The following ESRRG variants were observed in gnomAD, a reference collection of about 807,000 sequenced individuals.
ESRRG encodes estrogen-related receptor gamma.
A neutral mutation model predicts 44.0 loss-of-function variants in ESRRG; 13 were observed. That is an observed-to-expected ratio of 0.30 (90% CI 0.19 to 0.47). ESRRG has a LOEUF of 0.47. Ranked by LOEUF, ESRRG falls within the 20% of genes least tolerant of loss-of-function variation. ESRRG has a pLI of 1.00. For synonymous variants in ESRRG, 215 were observed against 214.6 expected (o/e 1.00, Z -0.02); for missense variants, 395 against 580.6 (o/e 0.68, Z 3.29).
At chr1:216,546,702 T>G (rs900815493) in intron 5 of ESRRG, among the ~76,000 whole-genome samples, 1 of 151,756 alleles carries the variant, frequency 6.6e-6, no homozygotes, top group African/African-American at 2.4e-5. Context: ...AAAATCAGGT[T>G]GAAAGTTAAA....
intron 2 of ESRRG, among the ~76,000 whole-genome samples, chr1:216,815,688 G>C (rs1376221866): frequency 6.6e-6 from 1 of 152,196 alleles, no homozygotes; most frequent in Non-Finnish European, 1.5e-5. Flanking sequence ...GTTCGGTTCA[G>C]CGCAGCTGGT....
At chr1:216,767,180 C>T (rs746066616) in intron 2 of ESRRG, among the ~76,000 whole-genome samples, 11 of 151,912 alleles carry the variant, frequency 7.2e-5, no homozygotes, top group African/African-American at 1.2e-4. Flanking sequence ...GCAAACTATC[C>T]GTAGTTAACA....
At chr1:217,106,787 C>G (rs2092602468) in intron 1 of ESRRG, among the ~76,000 whole-genome samples, 1 of 152,124 alleles carries the variant, frequency 6.6e-6, no homozygotes, top group African/African-American at 2.4e-5. Context: ...ACCTCCTTTG[C>G]CTGACTTTGA....
intron 1 of ESRRG, among the ~76,000 whole-genome samples, chr1:216,969,205 T>C (rs2071104288): frequency 6.6e-6 from 1 of 152,160 alleles, no homozygotes; most frequent in Non-Finnish European, 1.5e-5. Flanking sequence ...TGGCCTAACA[T>C]TTTCTACTGT....
chr1:216,845,791 A>C (rs2095736448), intron 2 of ESRRG, among the ~76,000 whole-genome samples: 1 of 152,138 alleles, frequency 6.6e-6, no homozygotes, highest in Non-Finnish European at 1.5e-5. Context: ...GGCTTAAGCT[A>C]ACCTGGCAAA....
At chr1:217,119,040 TAGATAGATAGA>T (rs1040038329) in intron 1 of ESRRG, among the ~76,000 whole-genome samples, 6 of 150,636 alleles carry the variant, frequency 4.0e-5, no homozygotes, top group Admixed American at 3.3e-4. Flanking sequence ...GATAGATAGA[TAGATAGATAGA>T]GACACAGATA....
At chr1:216,550,321 G>A (rs1199133101) in intron 5 of ESRRG, among the ~76,000 whole-genome samples, 5 of 152,138 alleles carry the variant, frequency 3.3e-5, no homozygotes, top group Non-Finnish European at 7.4e-5. Flanking sequence ...ACTTACCGAT[G>A]TGACACATTT....
chr1:217,034,431 G>T (rs567691984), intron 1 of ESRRG, among the ~76,000 whole-genome samples: 1 of 152,108 alleles, frequency 6.6e-6, no homozygotes, highest in Non-Finnish European at 1.5e-5. Flanking sequence ...GTCCCCGATG[G>T]TCTGTCTGAA....
At chr1:216,560,247 A>G (rs1475898111) in intron 5 of ESRRG, among the ~76,000 whole-genome samples, 1 of 152,190 alleles carries the variant, frequency 6.6e-6, no homozygotes, top group East Asian at 1.9e-4. Context: ...TCATTACAAT[A>G]GAGATCAATT....
At chr1:217,116,029 T>A (rs1446715750) in intron 1 of ESRRG, among the ~76,000 whole-genome samples, 3 of 152,154 alleles carry the variant, frequency 2.0e-5, no homozygotes, top group African/African-American at 4.8e-5. Flanking sequence ...TTCACAAGGG[T>A]AATTTTTATC....
chr1:216,808,889 C>A (rs574702622), intron 2 of ESRRG, among the ~76,000 whole-genome samples: 11 of 152,026 alleles, frequency 7.2e-5, no homozygotes, highest in Admixed American at 2.0e-4. Flanking sequence ...TGATATAATT[C>A]TGTCAAAGAA....
intron 5 of ESRRG, among the ~76,000 whole-genome samples, chr1:216,534,095 C>T (rs888891578): frequency 3.3e-5 from 5 of 152,080 alleles, no homozygotes; most frequent in African/African-American, 1.2e-4. Context: ...AATCTACACA[C>T]ACAAATGCAG....
intron 1 of ESRRG, among the ~76,000 whole-genome samples, chr1:217,016,877 T>C (rs2079461889): frequency 6.6e-6 from 1 of 152,198 alleles, no homozygotes; most frequent in South Asian, 2.1e-4. Context: ...CCAATGCCTA[T>C]ATATCTAGGC....
rs189117194 is a variant in ESRRG, at chr1:216,890,338, G to C, written c.-14+49244C>G. Among the ~76,000 whole-genome samples, 313 of 152,174 alleles carry C rather than the reference G, an allele frequency of 2.1e-3. 3 individuals are homozygous for C. Among genetic ancestry groups the C allele is most frequent in the African/African-American group, 6.4e-3 (264 of 41,532 alleles). On this transcript the variant is annotated intron_variant, in intron 2 of 7. Transcript: ENST00000359162. ...GATTGCTTGAAAATTTGTTGAGTTG[G>C]GGTGTTTTATAAAGCCCATATCATT...
At chr1:216,521,268 T>G (rs1241469139) in intron 5 of ESRRG, among the ~76,000 whole-genome samples, 1 of 152,144 alleles carries the variant, frequency 6.6e-6, no homozygotes, top group Non-Finnish European at 1.5e-5. Context: ...CTAAATTATT[T>G]AACCTAAATA....
At chr1:217,009,038 C>T (rs756999399) in intron 1 of ESRRG, among the ~76,000 whole-genome samples, 1 of 152,136 alleles carries the variant, frequency 6.6e-6, no homozygotes, top group Non-Finnish European at 1.5e-5. Flanking sequence ...TGAAAATATT[C>T]TCATTCTTCA....
chr1:216,638,498 A>G (rs1176892899), intron 3 of ESRRG, among the ~76,000 whole-genome samples: 2 of 152,216 alleles, frequency 1.3e-5, no homozygotes, highest in Non-Finnish European at 2.9e-5. Flanking sequence ...CAAGGGCTCA[A>G]TCAATAGTCA....
chr1:216,760,081 C>A (rs2092687315), intron 2 of ESRRG, among the ~76,000 whole-genome samples: 1 of 152,040 alleles, frequency 6.6e-6, no homozygotes, highest in South Asian at 2.1e-4. Flanking sequence ...TGCATGTCTT[C>A]CACATGTCTG....
chr1:216,710,044 A>C (rs901775186), intron 1 of ESRRG, among the ~76,000 whole-genome samples: 1 of 152,180 alleles, frequency 6.6e-6, no homozygotes, highest in African/African-American at 2.4e-5. Context: ...GCTCCCTCGC[A>C]TGCCTTCTCT....
Sources: allele counts gnomAD v4.1 joint callset (sites outside exome capture counted in the v4.1 genomes callset), GRCh38; gene constraint gnomAD v4.1.1; transcripts MANE v1.5; gene names NCBI Gene and HGNC (gene_info 2026-07-23, HGNC 2026-07-21).